SNX33: variants seen among roughly 807,000 people sequenced by gnomAD.
SNX33 encodes the protein sorting nexin 33.
A neutral mutation model predicts 38.8 loss-of-function variants in SNX33; 19 were observed. The ratio of observed to expected loss-of-function variants is 0.49; its 90% confidence interval spans 0.34 to 0.72. The LOEUF is 0.72. Ranked by LOEUF, SNX33 falls within the 30% of genes least tolerant of loss-of-function variation. SNX33 has a pLI of 0.01. For missense variants in SNX33, 641 were observed against 776.4 expected (o/e 0.83, Z 2.07); for synonymous variants, 246 against 289.7 (o/e 0.85, Z 1.53).
chr15:75,657,125 G>A lies in SNX33; in HGVS notation c.1635G>A (p.Met545Ile), dbSNP rs1305081234. 1 of 1,614,096 alleles carries A rather than the reference G, an allele frequency of 6.2e-7. No homozygotes were observed. The highest frequency in any genetic ancestry group is 8.5e-7 in the Non-Finnish European group (1 of 1,180,030). ...GCCGTGAGCTCGACTTCAAGCACATGATGCAGAACTACTTGCGCCAGCAGA... is the reference window on the plus strand; with the variant it reads ...GCCGTGAGCTCGACTTCAAGCACATAATGCAGAACTACTTGCGCCAGCAGA... The part of the protein sequence containing the change: ...HQRRELDFKH[M>I]MQNYLRQQIL... The change falls in exon 2 of 2, where the codon ATG becomes ATA. Residue 545 changes from methionine to isoleucine, a missense_variant. Transcript: ENST00000308527. The surrounding 1 kb of genome is among the most constrained non-coding windows in gnomAD (Gnocchi z 5.5).
Position 75,649,589 on chromosome 15 carries a change from CCACTGGAG to C in SNX33, c.489_496del (p.Leu164AlafsTer16). 6.2e-7 allele frequency: 1 copy of C among 1,613,932 alleles called. No homozygotes were observed. The highest frequency in any genetic ancestry group is 8.5e-7 in the Non-Finnish European group (1 of 1,179,878). On this transcript the variant is annotated frameshift_variant, in exon 1 of 2. Coordinates refer to ENST00000308527, the MANE Select transcript of SNX33 (RefSeq NM_153271.2). LOFTEE classifies it high-confidence loss of function. The surrounding 1 kb of genome is among the most constrained non-coding windows in gnomAD (Gnocchi z 6.6). ...GCACATGGCCTTCCGGCCCAAGCCA[CCACTGGAG>C]CGGCAGGACAGCCTGGCATCTGCCA...
In SNX33 at chr15:75,648,514, T is replaced by G; in HGVS notation, c.-589T>G. 1.0e-6 allele frequency: 1 copy of G among 985,404 alleles called. No individual in the cohort carries two copies. Among genetic ancestry groups the G allele is most frequent in the Non-Finnish European group, 1.2e-6 (1 of 829,944 alleles). The allele number at this position is 985,404 out of a possible 1,614,324, so 61.0% of individuals were successfully genotyped here. A position where few individuals can be genotyped will look rare whatever the true frequency, so the allele number is the denominator to read the frequency against. Reference sequence around the variant, plus strand: ...CGGCTGCTGCTTTTCTCCTTGCCCCTCTTGGATTTTCCGGATTTTTGAAAA... The same window carrying G: ...CGGCTGCTGCTTTTCTCCTTGCCCCGCTTGGATTTTCCGGATTTTTGAAAA... On this transcript the variant is annotated 5_prime_UTR_variant, in exon 1 of 2. Coordinates refer to ENST00000308527, the MANE Select transcript of SNX33 (RefSeq NM_153271.2). This position sits in a 1 kb window ranked among gnomAD's most constrained non-coding sequence, Gnocchi z 4.4.
intron 1 of SNX33, among the ~76,000 whole-genome samples, chr15:75,655,218 C>G (rs1381171803): frequency 6.6e-6 from 1 of 152,244 alleles, no homozygotes; most frequent in Admixed American, 6.5e-5. Flanking sequence ...GGCTGGGAGT[C>G]CTGGGCAAGT....
rs144583212 is a variant in SNX33 at position 75,650,400 on chromosome 15, C to T, written c.1298C>T (p.Pro433Leu). The change falls in exon 1 of 2, where the codon CCC (proline) becomes CTC (leucine). Residue 433 changes from proline to leucine, a missense_variant. Physicochemically the swap from Pro to Leu is moderately conservative, Grantham distance 98. Around this residue, in one of 2 missense-constraint regions of SNX33, gnomAD observed 398 missense variants for 542.5 expected, o/e 0.73. Coordinates refer to ENST00000308527, the MANE Select transcript of SNX33 (RefSeq NM_153271.2). The surrounding 1 kb of genome is among the most constrained non-coding windows in gnomAD (Gnocchi z 6.1). ...AGTCATTCCTTCCAGATGGACCCCC[C>T]CTTTTGCTCTGAGGCCCTCAACAGT... Reference protein sequence around the residue: ...AISHSFQMDPPFCSEALNSAI... With the variant: ...AISHSFQMDPLFCSEALNSAI... 3.7e-6 allele frequency: 6 copies of T among 1,613,818 alleles called. No homozygotes were observed. The highest frequency in any genetic ancestry group is 5.1e-6 in the Non-Finnish European group (6 of 1,179,902).
At position 75,648,927 on chromosome 15, in the gene SNX33, T is replaced by G. The variant is rs1893532450; in HGVS notation, c.-176T>G. ...AGTTTCTGGGCCATGGACATTGCTT[T>G]GAAGAGGGGGAGACTGGACAGCATC... On this transcript the variant is annotated 5_prime_UTR_variant, in exon 1 of 2. It removes the in-frame stop codon of an upstream open reading frame in the 5' UTR. Transcript: ENST00000308527. This position sits in a 1 kb window ranked among gnomAD's most constrained non-coding sequence, Gnocchi z 4.4. 7.0e-6 allele frequency: 5 copies of G among 718,998 alleles called. No individual in the cohort carries two copies. Among genetic ancestry groups the G allele is most frequent in the Non-Finnish European group, 1.1e-5 (5 of 472,638 alleles). 44.5% of individuals were successfully genotyped at this position (718,998 alleles called of 1,614,324 possible).
At position 75,649,354 on chromosome 15, in the gene SNX33, G is replaced by T; in HGVS notation, c.252G>T (p.Leu84Phe). Residue 84 changes from leucine (L) to phenylalanine (F), a missense_variant, in exon 1 of 2, where the codon TTG becomes TTT. Physicochemically the swap from Leu to Phe is conservative, Grantham distance 22. Transcript: ENST00000308527. The surrounding 1 kb of genome is among the most constrained non-coding windows in gnomAD (Gnocchi z 6.6). Reference sequence around the variant, plus strand: ...GCTCTCCCGGAGCCCAGGTGAGCTTGTACAACAGCCCCAGTGTGGCCAGCC... The same window carrying T: ...GCTCTCCCGGAGCCCAGGTGAGCTTTTACAACAGCCCCAGTGTGGCCAGCC... ...PAGSPGAQVS[L>F]YNSPSVASPA... 1 of 1,568,516 alleles carries T rather than the reference G, an allele frequency of 6.4e-7. No individual in the cohort carries two copies. The highest frequency in any genetic ancestry group is 8.7e-7 in the Non-Finnish European group (1 of 1,154,320).
chr15:75,655,448 G>C (rs921152424), intron 1 of SNX33, among the ~76,000 whole-genome samples: 3 of 152,234 alleles, frequency 2.0e-5, no homozygotes, highest in Non-Finnish European at 2.9e-5. Flanking sequence ...AGTGGGCTGG[G>C]AGCTGGGGAA....
Position 75,661,326 on chromosome 15 carries a change from C to T in SNX33, c.*4111C>T, listed in dbSNP as rs1023394960. On this transcript the variant is annotated 3_prime_UTR_variant, in exon 2 of 2. Transcript: ENST00000308527. This position sits in a 1 kb window ranked among gnomAD's most constrained non-coding sequence, Gnocchi z 4.5. ...CCCGCCTGCCCGCTGACTCAGGCCT[C>T]CAGGAGCCAAGCCTGCTCAGCTCCC... 1 of 149,850 alleles carries T rather than the reference C, an allele frequency of 6.7e-6. No individual in the cohort carries two copies. Among genetic ancestry groups the T allele is most frequent in the African/African-American group, 2.4e-5 (1 of 40,990 alleles). The allele number at this position is 149,850 out of a possible 1,614,324, so 9.3% of individuals were successfully genotyped here.
chr15:75,657,292 C>G lies in SNX33; in HGVS notation c.*77C>G, dbSNP rs1596000398. On this transcript the variant is annotated 3_prime_UTR_variant, in exon 2 of 2. Coordinates refer to ENST00000308527, the MANE Select transcript of SNX33 (RefSeq NM_153271.2). This position sits in a 1 kb window ranked among gnomAD's most constrained non-coding sequence, Gnocchi z 5.5. ...CCCCACTTTCCCGACCTCCCTATACCAGCAGTGACTGGGGGAGGGGTCAGC... is the reference window on the plus strand; with the variant it reads ...CCCCACTTTCCCGACCTCCCTATACGAGCAGTGACTGGGGGAGGGGTCAGC... 5.1e-6 allele frequency: 8 copies of G among 1,582,404 alleles called. No individual in the cohort carries two copies. In the East Asian group the frequency reaches 1.8e-4, roughly 36 times the overall value.
intron 1 of SNX33, among the ~76,000 whole-genome samples, chr15:75,656,448 G>C (rs112898781): frequency 4.6e-5 from 7 of 152,322 alleles, no homozygotes; most frequent in African/African-American, 1.4e-4. Flanking sequence ...ACCTTGATCT[G>C]TAGGTAGTGG....
chr15:75,652,135 CT>C, intron 1 of SNX33, among the ~76,000 whole-genome samples: 1 of 152,306 alleles, frequency 6.6e-6, no homozygotes, highest in East Asian at 1.9e-4. Context: ...GCCTTTGCCC[CT>C]CTGGGCCTTA....
chr15:75,650,601 G>T lies in SNX33; in HGVS notation c.1471+28G>T. 6.4e-7 allele frequency: 1 copy of T among 1,554,598 alleles called. No individual in the cohort carries two copies. The highest frequency in any genetic ancestry group is 1.8e-4 in the Middle Eastern group (1 of 5,626). On this transcript the variant is annotated intron_variant, in intron 1 of 1. Transcript: ENST00000308527. This position sits in a 1 kb window ranked among gnomAD's most constrained non-coding sequence, Gnocchi z 6.1. The stretch of plus-strand genomic sequence containing the variant: ...AAGGCCCAGTGCAGGCAGGAAACTC[G>T]TCCTGAGTCTGGCTCTCTGCTGGGC...
chr15:75,653,309 A>G (rs1893606573), intron 1 of SNX33, among the ~76,000 whole-genome samples: 1 of 152,148 alleles, frequency 6.6e-6, no homozygotes, highest in Admixed American at 6.5e-5. Flanking sequence ...CATATAATTA[A>G]CCAGGGCAGT....
chr15:75,660,256 G>C lies in SNX33; in HGVS notation c.*3041G>C, dbSNP rs1042478042. On this transcript the variant is annotated 3_prime_UTR_variant, in exon 2 of 2. Coordinates refer to ENST00000308527, the MANE Select transcript of SNX33 (RefSeq NM_153271.2). ...AATCCGCTTTGTGGCCACAGATGGGGGCTGGGGATGGAAGCAGACCTCAGA... is the reference window on the plus strand; with the variant it reads ...AATCCGCTTTGTGGCCACAGATGGGCGCTGGGGATGGAAGCAGACCTCAGA... 6.6e-6 allele frequency: 1 copy of C among 152,336 alleles called. No homozygotes were observed. Among genetic ancestry groups the C allele is most frequent in the East Asian group, 1.9e-4 (1 of 5,206 alleles). 9.4% of individuals were successfully genotyped at this position (152,336 alleles called of 1,614,324 possible).
chr15:75,651,821 G>A lies in SNX33; in HGVS notation c.1471+1248G>A, dbSNP rs549071758. ...CTTGGTGGGGAGTTTGACTCTGGGT[G>A]GGGCCAGGGGGCAGACCTCTGCACT... is the stretch of plus-strand genomic sequence containing the variant. On this transcript the variant is annotated intron_variant, in intron 1 of 1. Coordinates refer to ENST00000308527, the MANE Select transcript of SNX33 (RefSeq NM_153271.2). 2.0e-3 allele frequency among the ~76,000 whole-genome samples: 299 copies of A among 152,288 alleles called. 1 individual carries two copies. Among genetic ancestry groups the A allele is most frequent in the South Asian group, 0.013 (63 of 4,828 alleles).
Position 75,648,284 on chromosome 15 carries a change from C to T in SNX33, c.-819C>T. 1.0e-6 allele frequency: 1 copy of T among 985,414 alleles called. No homozygotes were observed. Among genetic ancestry groups the T allele is most frequent in the Non-Finnish European group, 1.2e-6 (1 of 829,936 alleles). 61.0% of individuals were successfully genotyped at this position (985,414 alleles called of 1,614,324 possible). On this transcript the variant is annotated 5_prime_UTR_variant, in exon 1 of 2. Transcript: ENST00000308527. The surrounding 1 kb of genome is among the most constrained non-coding windows in gnomAD (Gnocchi z 4.4). ...CACTCAGCGAGTGGCTAGAAGTCGCCCGACAGCCTCGTCGCGCCCCCTCCT... is the reference window on the plus strand; with the variant it reads ...CACTCAGCGAGTGGCTAGAAGTCGCTCGACAGCCTCGTCGCGCCCCCTCCT...
chr15:75,650,622 T>C lies in SNX33; in HGVS notation c.1471+49T>C, dbSNP rs1235790708. The C allele has an allele frequency of 3.9e-6, 6 of 1,538,342 alleles. No individual in the cohort carries two copies. The highest frequency in any genetic ancestry group is 5.3e-6 in the Non-Finnish European group (6 of 1,142,538). The stretch of plus-strand genomic sequence containing the variant: ...ACTCGTCCTGAGTCTGGCTCTCTGC[T>C]GGGCCCTGGGGAGATGGGGATGGCC... On this transcript the variant is annotated intron_variant, in intron 1 of 1. Transcript: ENST00000308527. The surrounding 1 kb of genome is among the most constrained non-coding windows in gnomAD (Gnocchi z 6.1).
rs1307479520 is a variant in SNX33 at position 75,648,386 on chromosome 15, C to T, written c.-717C>T. 2.0e-6 allele frequency: 2 copies of T among 985,236 alleles called. No individual in the cohort carries two copies. Among genetic ancestry groups the T allele is most frequent in the Admixed American group, 1.2e-4 (2 of 16,254 alleles). 61.0% of individuals were successfully genotyped at this position (985,236 alleles called of 1,614,324 possible). On this transcript the variant is annotated 5_prime_UTR_variant, in exon 1 of 2. Transcript: ENST00000308527. The surrounding 1 kb of genome is among the most constrained non-coding windows in gnomAD (Gnocchi z 4.4). ...CCGGCGGGGGCTCCGGCTGCGCAGCCGGGGTCGAAGAGTTGGCGGCCTGTT... is the reference window on the plus strand; with the variant it reads ...CCGGCGGGGGCTCCGGCTGCGCAGCTGGGGTCGAAGAGTTGGCGGCCTGTT...
At position 75,661,139 on chromosome 15, in the gene SNX33, C is replaced by T. The variant is rs929459640; in HGVS notation, c.*3924C>T. ...TGCCTCTGAAGGCCCCTGGCTGAACCGATCCAGCAGAGCTCCAGGCAGCTC... is the reference window on the plus strand; with the variant it reads ...TGCCTCTGAAGGCCCCTGGCTGAACTGATCCAGCAGAGCTCCAGGCAGCTC... On this transcript the variant is annotated 3_prime_UTR_variant, in exon 2 of 2. Coordinates refer to ENST00000308527, the MANE Select transcript of SNX33 (RefSeq NM_153271.2). The surrounding 1 kb of genome is among the most constrained non-coding windows in gnomAD (Gnocchi z 4.5). 6.6e-6 allele frequency: 1 copy of T among 152,260 alleles called. No homozygotes were observed. Among genetic ancestry groups the T allele is most frequent in the Non-Finnish European group, 1.5e-5 (1 of 68,072 alleles). The allele number at this position is 152,260 out of a possible 1,614,324, so 9.4% of individuals were successfully genotyped here.
Sources: gnomAD v4.1 joint callset for allele counts (sites outside exome capture counted in the v4.1 genomes callset) on GRCh38, gnomAD v4.1.1 for gene constraint, gnomAD v4.1.1 regional missense constraint, Gnocchi (gnomAD v3.1) non-coding constraint, MANE v1.5 for transcripts, NCBI Gene and HGNC (gene_info 2026-07-23, HGNC 2026-07-21) for gene names.